CTIF: variants seen among roughly 807,000 people sequenced by gnomAD.
The protein encoded by CTIF is cap binding complex dependent translation initiation factor.
A neutral mutation model predicts 66.0 loss-of-function variants in CTIF; 21 were observed. The observed-to-expected ratio is 0.32, with a 90% CI of 0.23 to 0.46. The LOEUF is 0.46. Ranked by LOEUF, CTIF falls within the 20% of genes least tolerant of loss-of-function variation. The pLI, the probability that CTIF is intolerant of heterozygous loss-of-function variation, is 1.00. For synonymous variants in CTIF, 345 were observed against 326.4 expected (o/e 1.06, Z -0.62); for missense variants, 739 against 812.7 (o/e 0.91, Z 1.10).
rs530970875 is a variant in CTIF, at chr18:48,651,844, A to G, written c.253-11908A>G. Among the ~76,000 whole-genome samples, 3 of 152,340 alleles carry G rather than the reference A, an allele frequency of 2.0e-5. No individual in the cohort carries two copies. The East Asian group carries it at 5.8e-4, about 29-fold the overall frequency. On this transcript the variant is annotated intron_variant, in intron 3 of 11. Coordinates refer to ENST00000256413, the MANE Select transcript of CTIF (RefSeq NM_014772.3). ...AAACCACACAACTACACAGAAACTGAACAACCTGCTCCTGAATGACTACTG... is the reference window on the plus strand; with the variant it reads ...AAACCACACAACTACACAGAAACTGGACAACCTGCTCCTGAATGACTACTG...
intron 3 of CTIF, among the ~76,000 whole-genome samples, chr18:48,658,537 C>T (rs989764635): frequency 6.6e-5 from 10 of 151,326 alleles, no homozygotes; most frequent in Admixed American, 3.9e-4. Context: ...GTGGTGTGTA[C>T]GTGTGTATAT....
chr18:48,659,830 C>T (rs1230927291), intron 3 of CTIF, among the ~76,000 whole-genome samples: 3 of 152,240 alleles, frequency 2.0e-5, no homozygotes, highest in Admixed American at 1.3e-4. Context: ...AGCCACAGGG[C>T]GGGGGTGGCT....
At position 48,832,190 on chromosome 18, in the gene CTIF, A is replaced by T. The variant is rs1324344176; in HGVS notation, c.1527+14814A>T. Among the ~76,000 whole-genome samples, 142 of 63,422 alleles carry T rather than the reference A, an allele frequency of 2.2e-3. 3 individuals are homozygous for T. Among genetic ancestry groups the T allele is most frequent in the East Asian group, 7.5e-3 (37 of 4,952 alleles). 41.6% of individuals were successfully genotyped at this position (63,422 alleles called of 152,430 possible). The stretch of plus-strand genomic sequence containing the variant: ...TGGTCCTTCTTTTTTTTTTTTTTTT[A>T]AGACAGGGTCTCCCTTTGTCACCTA... On this transcript the variant is annotated intron_variant, in intron 10 of 11. Transcript: ENST00000256413.
At chr18:48,610,986 G>A (rs548012305) in intron 1 of CTIF, among the ~76,000 whole-genome samples, 1 of 152,290 alleles carries the variant, frequency 6.6e-6, no homozygotes, top group South Asian at 2.1e-4. Context: ...ACAGAGCTTA[G>A]GAGTCACTAA....
At chr18:48,617,236 C>T (rs116473471) in intron 1 of CTIF, among the ~76,000 whole-genome samples, 58 of 152,374 alleles carry the variant, frequency 3.8e-4, no homozygotes, top group African/African-American at 1.1e-3. Context: ...TCTTTTCCTT[C>T]AAGCCAGCAA....
intron 7 of CTIF, among the ~76,000 whole-genome samples, chr18:48,739,854 C>T (rs897087359): frequency 6.6e-6 from 1 of 152,204 alleles, no homozygotes; most frequent in Non-Finnish European, 1.5e-5. Flanking sequence ...GGCTCCTCTC[C>T]CTCCCGTCTT....
chr18:48,694,464 G>C (rs182759597), intron 6 of CTIF, among the ~76,000 whole-genome samples: 50 of 152,288 alleles, frequency 3.3e-4, no homozygotes, highest in African/African-American at 1.2e-3. Flanking sequence ...CAAATTCTCC[G>C]CCATTCCTTC....
At chr18:48,842,246 T>G (rs1275952669) in intron 10 of CTIF, among the ~76,000 whole-genome samples, 2 of 149,198 alleles carry the variant, frequency 1.3e-5, no homozygotes, top group African/African-American at 5.0e-5. Context: ...GATGGGGAGG[T>G]CAGGCCTCAT....
intron 7 of CTIF, among the ~76,000 whole-genome samples, chr18:48,753,994 C>T (rs1290820045): frequency 2.0e-5 from 3 of 152,236 alleles, no homozygotes; most frequent in African/African-American, 7.2e-5. Flanking sequence ...TTGGCTGGCC[C>T]AGCCAACGAC....
At chr18:48,563,504 C>T (rs1265797049) in intron 1 of CTIF, among the ~76,000 whole-genome samples, 1 of 152,152 alleles carries the variant, frequency 6.6e-6, no homozygotes, top group Non-Finnish European at 1.5e-5. Flanking sequence ...CAGATTCTTA[C>T]TCTGTCACCC....
chr18:48,735,097 G>A (rs936699020), intron 7 of CTIF, among the ~76,000 whole-genome samples: 3 of 70,562 alleles, frequency 4.3e-5, no homozygotes, highest in South Asian at 4.6e-4. Context: ...GTTTGTGTGC[G>A]TGTGTGTGTG....
In CTIF at chr18:48,588,355, A is replaced by G. The variant is rs553307295; in HGVS notation, c.-28-31183A>G. ...ACTTCTCCACTTGCTCTCTTCCTAG[A>G]CCCTCTGGCCCTCTCAGGTGGCCCT... On this transcript the variant is annotated intron_variant, in intron 1 of 11. Coordinates refer to ENST00000256413, the MANE Select transcript of CTIF (RefSeq NM_014772.3). 2.6e-5 allele frequency among the ~76,000 whole-genome samples: 4 copies of G among 151,634 alleles called. No homozygotes were observed. In the South Asian group the frequency reaches 8.4e-4, roughly 32 times the overall value.
At chr18:48,669,648 A>G (rs189919715) in intron 5 of CTIF, among the ~76,000 whole-genome samples, 2 of 151,676 alleles carry the variant, frequency 1.3e-5, no homozygotes, top group Non-Finnish European at 2.9e-5. Context: ...TTACTTCATT[A>G]TTTATTTTAA....
intron 9 of CTIF, among the ~76,000 whole-genome samples, chr18:48,801,960 A>G (rs1160207642): frequency 2.0e-5 from 3 of 152,248 alleles, no homozygotes; most frequent in Admixed American, 1.3e-4. Context: ...CTTATGCTTC[A>G]GTTTCTCACA....
chr18:48,609,735 C>T (rs16949629), intron 1 of CTIF, among the ~76,000 whole-genome samples: 5,011 of 152,276 alleles, frequency 0.033, 297 homozygotes, highest in African/African-American at 0.11. Flanking sequence ...TGGCCCTGCA[C>T]AGTTTTGGTT....
At chr18:48,784,505 G>T (rs890156182) in intron 9 of CTIF, among the ~76,000 whole-genome samples, 42 of 152,248 alleles carry the variant, frequency 2.8e-4, no homozygotes, top group Admixed American at 1.8e-3. Flanking sequence ...CATACCCTTT[G>T]GTCTCTGGGG....
chr18:48,597,985 C>A (rs1310891777), intron 1 of CTIF, among the ~76,000 whole-genome samples: 1 of 152,120 alleles, frequency 6.6e-6, no homozygotes. Flanking sequence ...TAGGATGGAG[C>A]CTCTATCACC....
intron 7 of CTIF, among the ~76,000 whole-genome samples, chr18:48,733,977 G>A (rs906069401): frequency 9.9e-5 from 15 of 152,228 alleles, no homozygotes; most frequent in Non-Finnish European, 1.9e-4. Flanking sequence ...GTACAATTTG[G>A]GGCTCAATAA....
chr18:48,610,213 G>A (rs1159321159), intron 1 of CTIF, among the ~76,000 whole-genome samples: 1 of 152,232 alleles, frequency 6.6e-6, no homozygotes, highest in Non-Finnish European at 1.5e-5. Context: ...TTGGGTAGCA[G>A]CCCAGAGGCG....
Sources: allele counts gnomAD v4.1 joint callset (sites outside exome capture counted in the v4.1 genomes callset), GRCh38; gene constraint gnomAD v4.1.1; transcripts MANE v1.5; gene names NCBI Gene and HGNC (gene_info 2026-07-23, HGNC 2026-07-21).